Variants in NDUFS1 observed in about 807,000 individuals in gnomAD.
NDUFS1 encodes the protein NADH:ubiquinone oxidoreductase core subunit S1.
NDUFS1 carries 61 observed loss-of-function variants against 84.4 expected under a neutral mutation model. That is an observed-to-expected ratio of 0.72 (90% CI 0.59 to 0.89). NDUFS1 has a LOEUF of 0.89. Ranked by LOEUF, NDUFS1 falls within the 40% of genes least tolerant of loss-of-function variation. The pLI, the probability that NDUFS1 is intolerant of heterozygous loss-of-function variation, is 0.00. For missense variants in NDUFS1, 891 were observed against 890.0 expected (o/e 1.00, Z -0.01); for synonymous variants, 275 against 290.0 (o/e 0.95, Z 0.53).
rs772128142 is a variant in NDUFS1, at chr2:206,133,086, T to C, written c.1412A>G (p.Lys471Arg). The change falls in exon 14 of 19, where the codon AAA (lysine) becomes AGA (arginine). Residue 471 changes from lysine (K) to arginine (R), a missense_variant. By Grantham distance (26) the Lys-to-Arg change is conservative (BLOSUM62 2). Coordinates refer to ENST00000233190, the MANE Select transcript of NDUFS1 (RefSeq NM_005006.7). ...PFSQVLKEAK[K>R]PMVVLGSSAL... ...AGAACTGCCTAAAACCACCATTGGT[T>C]TTTTAGCTTCCTTTAGGACCTATTT... 3.2e-5 allele frequency: 51 copies of C among 1,612,988 alleles called. No individual in the cohort carries two copies. Among genetic ancestry groups the C allele is most frequent in the Non-Finnish European group, 3.6e-5 (42 of 1,179,556 alleles).
Position 206,152,523 on chromosome 2 carries a change from G to T in NDUFS1, c.62-13C>A. 2 of 1,610,764 alleles carry T rather than the reference G, an allele frequency of 1.2e-6. No homozygotes were observed. Among genetic ancestry groups the T allele is most frequent in the East Asian group, 2.2e-5 (1 of 44,826 alleles). On this transcript the variant is annotated splice_polypyrimidine_tract_variant and intron_variant, in intron 2 of 18. Coordinates refer to ENST00000233190, the MANE Select transcript of NDUFS1 (RefSeq NM_005006.7). ...GCAGTTGTTCGAACTGACCATCAAA[G>T]ATATTGAAGCGAAAAACAGATTAAC... is the stretch of plus-strand genomic sequence containing the variant.
intron 2 of NDUFS1, among the ~76,000 whole-genome samples, chr2:206,153,248 T>C (rs1473495007): frequency 1.3e-5 from 2 of 151,264 alleles, no homozygotes; most frequent in Admixed American, 1.3e-4. Context: ...CAGGCTGGAG[T>C]GCAGTGGTAC....
At chr2:206,155,619 C>T (rs560305083) in intron 1 of NDUFS1, among the ~76,000 whole-genome samples, 92 of 152,026 alleles carry the variant, frequency 6.1e-4, no homozygotes, top group South Asian at 5.8e-3. Context: ...GGTTTCGCCA[C>T]GTTGGCCAAG....
intron 9 of NDUFS1, 78 bp downstream of exon 9, chr2:206,144,814 A>T: frequency 2.7e-6 from 4 of 1,465,502 alleles, no homozygotes; most frequent in Non-Finnish European, 3.7e-6. Flanking sequence ...TGCAAATATA[A>T]AAGATAATTC....
intron 1 of NDUFS1, among the ~76,000 whole-genome samples, chr2:206,155,562 C>T (rs560748431): frequency 2.0e-5 from 3 of 152,160 alleles, no homozygotes; most frequent in African/African-American, 7.2e-5. Context: ...GGATTACAGG[C>T]GCCCATCAAC....
Position 206,120,830 on chromosome 2 carries a change from T to C in NDUFS1, c.*3355A>G, listed in dbSNP as rs1691075039. ...ATACAAGCAGGCTGCAGGAATACAG[T>C]TGTCCATGCTGGACTCAACTCATTT... On this transcript the variant is annotated 3_prime_UTR_variant, in exon 19 of 19. Transcript: ENST00000233190. 1 of 152,240 alleles carries C rather than the reference T, an allele frequency of 6.6e-6. No homozygotes were observed. Among genetic ancestry groups the C allele is most frequent in the Non-Finnish European group, 1.5e-5 (1 of 68,060 alleles). The allele number at this position is 152,240 out of a possible 1,614,324, so 9.4% of individuals were successfully genotyped here.
At chr2:206,137,669 T>C (rs938091925) in intron 13 of NDUFS1, among the ~76,000 whole-genome samples, 9 of 151,808 alleles carry the variant, frequency 5.9e-5, no homozygotes, top group African/African-American at 2.2e-4. Context: ...AAGCAAGAAC[T>C]CAAGGAATAC....
intron 1 of NDUFS1, among the ~76,000 whole-genome samples, chr2:206,158,591 G>C (rs1687771611): frequency 6.6e-6 from 1 of 152,168 alleles, no homozygotes; most frequent in African/African-American, 2.4e-5. Context: ...AGGTGCTCTG[G>C]CAGCCTTAAG....
At position 206,118,222 on chromosome 2, in the gene NDUFS1, C is replaced by T. The variant is rs949318951; in HGVS notation, c.*5963G>A. The T allele has an allele frequency of 2.0e-5, 3 of 152,234 alleles. No individual in the cohort carries two copies. The highest frequency in any genetic ancestry group is 4.8e-5 in the African/African-American group (2 of 41,468). The allele number at this position is 152,234 out of a possible 1,614,324, so 9.4% of individuals were successfully genotyped here. ...TCCTTGTTCTCTTAAAATCTGTGAT[C>T]TGAAATCTAGTCAGTTTTCTCATTA... On this transcript the variant is annotated 3_prime_UTR_variant, in exon 19 of 19. Coordinates refer to ENST00000233190, the MANE Select transcript of NDUFS1 (RefSeq NM_005006.7).
intron 13 of NDUFS1, among the ~76,000 whole-genome samples, chr2:206,138,237 C>T (rs1412106283): frequency 6.6e-6 from 1 of 152,100 alleles, no homozygotes; most frequent in Non-Finnish European, 1.5e-5. Context: ...ACTACAGGCG[C>T]ACGCTAACTT....
intron 13 of NDUFS1, among the ~76,000 whole-genome samples, chr2:206,137,082 A>C (rs1691746241): frequency 6.6e-6 from 1 of 152,072 alleles, no homozygotes; most frequent in African/African-American, 2.4e-5. Context: ...CACCTCCACC[A>C]CCACACATAT....
At chr2:206,140,489 C>CT (rs200820981) in intron 12 of NDUFS1, among the ~76,000 whole-genome samples, 8,539 of 151,728 alleles carry the variant, frequency 0.056, 320 homozygotes, top group African/African-American at 0.1. Flanking sequence ...AACTAAATTT[C>CT]TTTTTTTTGA....
intron 1 of NDUFS1, among the ~76,000 whole-genome samples, chr2:206,155,630 G>C (rs6435332): frequency 0.53 from 80,155 of 151,528 alleles, 22,726 homozygotes; most frequent in African/African-American, 0.74. Context: ...GTTGGCCAAG[G>C]TGGTCCTGAA....
chr2:206,147,223 G>C, intron 7 of NDUFS1, 135 bp from the exon 8 acceptor site: 1 of 922,016 alleles, frequency 1.1e-6, no homozygotes, highest in Non-Finnish European at 1.7e-6. Flanking sequence ...CACAGTCCTA[G>C]AATAAAAAAT....
chr2:206,154,014 T>G (rs1034467995), intron 1 of NDUFS1, among the ~76,000 whole-genome samples: 1 of 152,218 alleles, frequency 6.6e-6, no homozygotes, highest in Non-Finnish European at 1.5e-5. Context: ...AGACTAACAG[T>G]GAGCTTATCA....
intron 8 of NDUFS1, among the ~76,000 whole-genome samples, chr2:206,145,808 G>C (rs1692133336): frequency 6.6e-6 from 1 of 152,184 alleles, no homozygotes; most frequent in South Asian, 2.1e-4. Flanking sequence ...GGTACAGATG[G>C]AGACAACTCA....
intron 13 of NDUFS1, among the ~76,000 whole-genome samples, chr2:206,135,825 T>C (rs1000572614): frequency 1.3e-5 from 2 of 152,186 alleles, no homozygotes; most frequent in Non-Finnish European, 2.9e-5. Flanking sequence ...TAATTTTTTT[T>C]CTATTCAAAA....
At chr2:206,156,908 A>G (rs1232447677) in intron 1 of NDUFS1, among the ~76,000 whole-genome samples, 2 of 152,234 alleles carry the variant, frequency 1.3e-5, no homozygotes, top group Non-Finnish European at 2.9e-5. Flanking sequence ...GGCTCAACAA[A>G]TGCCAGTTAA....
At position 206,126,561 on chromosome 2, in the gene NDUFS1, AGT is replaced by A. The variant is rs1691301028; in HGVS notation, c.2068_2069del (p.Thr690TyrfsTer11). The A allele has an allele frequency of 6.2e-7, 1 of 1,614,048 alleles. No homozygotes were observed. On this transcript the variant is annotated frameshift_variant, in exon 18 of 19. Coordinates refer to ENST00000233190, the MANE Select transcript of NDUFS1 (RefSeq NM_005006.7). LOFTEE classifies it high-confidence loss of function. ...TACCTGTCATGTAGAAGTCTTTTAT[AGT>A]TAGCTGAGGTGGAACAAGTGGGTCA... ...LADPLVPPQL[T>X]IKDFYMTDSI...
Sources: gnomAD v4.1 joint callset for allele counts (sites outside exome capture counted in the v4.1 genomes callset) on GRCh38, gnomAD v4.1.1 for gene constraint, MANE v1.5 for transcripts, NCBI Gene and HGNC (gene_info 2026-07-23, HGNC 2026-07-21) for gene names.